The following RSBN1L variants were observed in gnomAD, a reference collection of about 807,000 sequenced individuals.
RSBN1L encodes the protein lysine-specific demethylase RSBN1L.
RSBN1L carries 30 observed loss-of-function variants against 67.7 expected under a neutral mutation model. The ratio of observed to expected loss-of-function variants is 0.44; its 90% CI spans 0.33 to 0.60. The LOEUF is 0.60. Among genes scored for constraint, RSBN1L ranks in the 20% least tolerant of loss-of-function variants. RSBN1L has a pLI of 0.02. For missense variants in RSBN1L, 992 were observed against 1,031.7 expected, an observed-to-expected ratio of 0.96 and a Z score of 0.53; for synonymous variants, 433 against 387.0, an observed-to-expected ratio of 1.12 and a Z score of -1.39.
intron 5 of RSBN1L, among the ~76,000 whole-genome samples, chr7:77,769,889 G>C (rs1791822843): frequency 6.6e-6 from 1 of 152,152 alleles, no homozygotes; most frequent in Admixed American, 6.5e-5. Context: ...CTGTAATTTT[G>C]TGAAAGTAAT....
chr7:77,768,845 G>T (rs763786917), intron 5 of RSBN1L, 42 bp downstream of exon 5: 1 of 1,575,878 alleles, frequency 6.3e-7, no homozygotes, highest in African/African-American at 1.3e-5. Flanking sequence ...ATGAGTGTTT[G>T]TATGTTGGGG....
Position 77,749,528 on chromosome 7 carries a change from A to G in RSBN1L, c.808A>G (p.Lys270Glu). The change falls in exon 3 of 8, where the codon AAA (lysine) becomes GAA (glutamate). Residue 270 changes from lysine to glutamate, a missense_variant. Lys to Glu is a moderately conservative substitution (Grantham distance 56). This residue lies in a region of RSBN1L where 575 missense variants were observed against 483.2 expected (regional missense o/e 1.19). Transcript: ENST00000334955. ...AGAGAATGAAAAACGGAAGCGTCCG[A>G]AAATGTATAGCAAATCTATTCAGAC... ...HKENEKRKRPKMYSKSIQTIC... is the reference protein window; with the variant it reads ...HKENEKRKRPEMYSKSIQTIC... The G allele has an allele frequency of 6.2e-7, 1 of 1,610,942 alleles. No individual in the cohort carries two copies.
chr7:77,759,584 A>G (rs190228957), intron 3 of RSBN1L: 54 of 152,250 alleles, frequency 3.5e-4, no homozygotes, highest in African/African-American at 1.3e-3. Context: ...ACCCGCTAAA[A>G]AAAACCTCAG....
chr7:77,701,169 AACAACAACAAC>A (rs1790812921), intron 1 of RSBN1L, among the ~76,000 whole-genome samples: 7 of 122,070 alleles, frequency 5.7e-5, no homozygotes, highest in African/African-American at 1.1e-4. Flanking sequence ...AAAAAAAAAA[AACAACAACAAC>A]AACAACAACA....
intron 1 of RSBN1L, among the ~76,000 whole-genome samples, chr7:77,713,354 C>A (rs1372284721): frequency 6.6e-6 from 1 of 150,970 alleles, no homozygotes; most frequent in Non-Finnish European, 1.5e-5. Flanking sequence ...ATTTCTCTCT[C>A]TTCCTTTTTT....
chr7:77,719,254 C>T (rs1205920561), intron 1 of RSBN1L, among the ~76,000 whole-genome samples: 1 of 152,032 alleles, frequency 6.6e-6, no homozygotes, highest in East Asian at 1.9e-4. Flanking sequence ...ATGATGTTAG[C>T]TAAATATACA....
intron 1 of RSBN1L, among the ~76,000 whole-genome samples, chr7:77,728,417 C>T (rs532869091): frequency 6.6e-6 from 1 of 152,234 alleles, no homozygotes; most frequent in South Asian, 2.1e-4. Flanking sequence ...CCATAGTTAC[C>T]TGATCTTTTA....
At chr7:77,763,354 TTTC>T (rs1400132964) in intron 3 of RSBN1L, among the ~76,000 whole-genome samples, 2 of 152,198 alleles carry the variant, frequency 1.3e-5, no homozygotes, top group Non-Finnish European at 2.9e-5. Context: ...TTGATTTCAC[TTTC>T]TAAATGGTTA....
chr7:77,722,971 T>C (rs1323420689), intron 1 of RSBN1L, among the ~76,000 whole-genome samples: 1 of 148,728 alleles, frequency 6.7e-6, no homozygotes, highest in East Asian at 1.9e-4. Context: ...CTCTCTTCTT[T>C]TTTTTTTTTT....
At chr7:77,774,013 A>G (rs974704271) in intron 6 of RSBN1L, among the ~76,000 whole-genome samples, 45 of 152,314 alleles carry the variant, frequency 3.0e-4, no homozygotes, top group Non-Finnish European at 6.2e-4. Flanking sequence ...ACAGTCATAT[A>G]GTTAATAAAT....
Position 77,779,081 on chromosome 7 carries a change from C to T in RSBN1L, c.2454C>T (p.Cys818=). The change falls in exon 8 of 8, where the codon TGC becomes TGT. Residue 818 remains cysteine (C), a synonymous_variant. Coordinates refer to ENST00000334955, the MANE Select transcript of RSBN1L (RefSeq NM_198467.3). ...NSNKDLKEEL[C]PGNLSLVDTR... ...ACAAAGATTTAAAGGAAGAATTGTG[C>T]CCTGGAAATCTAAGTCTAGTTGATA... 2 of 1,612,750 alleles carry T rather than the reference C, an allele frequency of 1.2e-6. No homozygotes were observed. Among genetic ancestry groups the T allele is most frequent in the South Asian group, 1.1e-5 (1 of 91,070 alleles).
At chr7:77,765,352 CATT>C (rs1791747270) in intron 3 of RSBN1L, 140 bp from the exon 4 acceptor site, 4 of 655,120 alleles carry the variant, frequency 6.1e-6, no homozygotes, top group Admixed American at 3.8e-5. Context: ...TTGCTTGCCT[CATT>C]ATGATATAAT....
chr7:77,716,624 C>CTT (rs61611975), intron 1 of RSBN1L, among the ~76,000 whole-genome samples: 1,640 of 75,326 alleles, frequency 0.022, 253 homozygotes, highest in African/African-American at 0.038. Flanking sequence ...GTATCTTCAT[C>CTT]TTTTTTTTTT....
intron 2 of RSBN1L, among the ~76,000 whole-genome samples, chr7:77,747,502 A>C (rs1402216312): frequency 6.6e-6 from 1 of 152,074 alleles, no homozygotes; most frequent in South Asian, 2.1e-4. Flanking sequence ...CTGTGGCTCA[A>C]AGGTGCCCAG....
At chr7:77,760,207 A>G (rs1791682102) in intron 3 of RSBN1L, among the ~76,000 whole-genome samples, 1 of 152,248 alleles carries the variant, frequency 6.6e-6, no homozygotes, top group African/African-American at 2.4e-5. Context: ...TGTTTTTTTT[A>G]AAGATTACAT....
intron 1 of RSBN1L, among the ~76,000 whole-genome samples, chr7:77,723,873 G>A (rs1034428747): frequency 2.0e-5 from 3 of 152,122 alleles, no homozygotes; most frequent in African/African-American, 7.2e-5. Flanking sequence ...GGCGGAGGTT[G>A]CAGGGAGCTG....
In RSBN1L at chr7:77,696,513, C is replaced by T; in HGVS notation, c.44C>T (p.Ala15Val). The change falls in exon 1 of 8, where the codon GCC (alanine) becomes GTC (valine). Residue 15 changes from alanine (A) to valine (V), a missense_variant. By Grantham distance (64) the Ala-to-Val change is moderately conservative (BLOSUM62 0). Transcript: ENST00000334955. ...CCCGTGCACTGTGTCGCTGCCGCGG[C>T]CCCCACCGCCACCGTCTCGGAGAAA... ...PSPVHCVAAA[A>V]PTATVSEKEP... The T allele has an allele frequency of 3.1e-6, 5 of 1,613,608 alleles. No individual in the cohort carries two copies. The highest frequency in any genetic ancestry group is 4.2e-6 in the Non-Finnish European group (5 of 1,179,848).
chr7:77,706,030 C>A (rs1181765049), intron 1 of RSBN1L, among the ~76,000 whole-genome samples: 1 of 151,590 alleles, frequency 6.6e-6, no homozygotes, highest in South Asian at 2.1e-4. Context: ...TCCCAAGTAG[C>A]TGGGATTACA....
intron 5 of RSBN1L, among the ~76,000 whole-genome samples, chr7:77,771,058 C>T (rs180809740): frequency 1.4e-3 from 220 of 152,282 alleles, no homozygotes; most frequent in African/African-American, 4.6e-3. Flanking sequence ...TCTCCTGCCT[C>T]AGCCTCCCGA....
Sources: gnomAD v4.1 joint callset for allele counts (sites outside exome capture counted in the v4.1 genomes callset) on GRCh38, gnomAD v4.1.1 for gene constraint, gnomAD v4.1.1 regional missense constraint, MANE v1.5 for transcripts, NCBI Gene and HGNC (gene_info 2026-07-23, HGNC 2026-07-21) for gene names.